The following NOP58 variants were observed in gnomAD, a reference collection of about 807,000 sequenced individuals.
NOP58 encodes the protein nucleolar protein 58.
In NOP58, 44 loss-of-function variants were observed where a neutral mutation model predicts 71.2. The observed-to-expected ratio is 0.62, with a 90% confidence interval of 0.49 to 0.79. NOP58 has a LOEUF of 0.79. NOP58 is among the 30% of genes least tolerant of loss of function. The pLI, the probability that NOP58 is intolerant of heterozygous loss-of-function variation, is 0.00. For missense variants in NOP58, 538 were observed against 620.2 expected, an observed-to-expected ratio of 0.87 and a Z score of 1.41; for synonymous variants, 228 against 200.3, an observed-to-expected ratio of 1.14 and a Z score of -1.17.
At chr2:202,277,613 T>C (rs1470541960) in intron 2 of NOP58, among the ~76,000 whole-genome samples, 1 of 152,184 alleles carries the variant, frequency 6.6e-6, no homozygotes, top group African/African-American at 2.4e-5. Context: ...TCACGTACGT[T>C]TTCTTGAGTC....
chr2:202,302,004 T>TTAA (rs889391269), intron 13 of NOP58, among the ~76,000 whole-genome samples: 4 of 152,086 alleles, frequency 2.6e-5, no homozygotes, highest in Non-Finnish European at 1.5e-5. Context: ...CTCGAATTGT[T>TTAA]TAGTACAGAG....
chr2:202,266,529 T>C (rs1688420160), intron 1 of NOP58, among the ~76,000 whole-genome samples: 1 of 152,044 alleles, frequency 6.6e-6, no homozygotes, highest in South Asian at 2.1e-4. Context: ...TTGGCCAGGC[T>C]GGTCTTGAAC....
intron 9 of NOP58, among the ~76,000 whole-genome samples, chr2:202,295,042 G>A (rs547231730): frequency 1.3e-5 from 2 of 152,222 alleles, no homozygotes; most frequent in African/African-American, 2.4e-5. Context: ...ACTGCACAAC[G>A]GAGAGGGCTA....
intron 1 of NOP58, among the ~76,000 whole-genome samples, chr2:202,270,694 G>A (rs1688499750): frequency 6.6e-6 from 1 of 152,140 alleles, no homozygotes; most frequent in South Asian, 2.1e-4. Flanking sequence ...CGGCTGCAGT[G>A]AGCTGTGATT....
intron 2 of NOP58, chr2:202,276,327 G>A: frequency 3.7e-6 from 1 of 269,294 alleles, no homozygotes; most frequent in Non-Finnish European, 7.7e-6. Context: ...GTGTCAGAGT[G>A]AGACCCTGTC....
At chr2:202,274,214 G>T (rs532387072) in intron 1 of NOP58, among the ~76,000 whole-genome samples, 104 of 151,698 alleles carry the variant, frequency 6.9e-4, no homozygotes, top group African/African-American at 2.1e-3. Context: ...GTAGACAAAA[G>T]TTTTTTTTGT....
At chr2:202,293,553 A>G (rs186163361) in intron 9 of NOP58, among the ~76,000 whole-genome samples, 231 of 152,320 alleles carry the variant, frequency 1.5e-3, no homozygotes, top group Admixed American at 2.4e-3. Flanking sequence ...AGATTATATC[A>G]TCTGCATCAG....
intron 1 of NOP58, among the ~76,000 whole-genome samples, chr2:202,268,822 G>T (rs1214617765): frequency 3.3e-5 from 5 of 151,806 alleles, no homozygotes. Flanking sequence ...TGTTGAGGCT[G>T]GTCTCGAACT....
chr2:202,280,014 A>G (rs968107394), intron 3 of NOP58, among the ~76,000 whole-genome samples: 4 of 152,230 alleles, frequency 2.6e-5, no homozygotes, highest in Admixed American at 2.6e-4. Flanking sequence ...GAATGCTGTC[A>G]TAGAAACATT....
At chr2:202,268,122 A>G (rs1444458446) in intron 1 of NOP58, among the ~76,000 whole-genome samples, 1 of 152,228 alleles carries the variant, frequency 6.6e-6, no homozygotes, top group African/African-American at 2.4e-5. Flanking sequence ...AAGGGCAAAT[A>G]TTAAGATACA....
At position 202,292,916 on chromosome 2, in the gene NOP58, A is replaced by C; in HGVS notation, c.907+13A>C. 2 of 1,613,814 alleles carry C rather than the reference A, an allele frequency of 1.2e-6. No individual in the cohort carries two copies. Among genetic ancestry groups the C allele is most frequent in the South Asian group, 2.2e-5 (2 of 91,048 alleles). ...ATTGCTCATGCAGGTGATGGTTTTA[A>C]TGTAATTTGTAAATATGAGTGTTTG... is the stretch of plus-strand genomic sequence containing the variant. On this transcript the variant is annotated intron_variant, in intron 9 of 14. Coordinates refer to ENST00000264279, the MANE Select transcript of NOP58 (RefSeq NM_015934.5).
chr2:202,293,370 A>C (rs1688936543), intron 9 of NOP58, among the ~76,000 whole-genome samples: 1 of 152,214 alleles, frequency 6.6e-6, no homozygotes, highest in Non-Finnish European at 1.5e-5. Flanking sequence ...TTTGACTTTC[A>C]AAAATATTTT....
chr2:202,290,190 G>A (rs979758224), intron 6 of NOP58, 133 bp from the exon 7 acceptor site: 12 of 635,946 alleles, frequency 1.9e-5, no homozygotes, highest in Admixed American at 3.4e-5. Flanking sequence ...TTCTGACTTC[G>A]TGATATGCCT....
chr2:202,266,013 G>C (rs775736134), intron 1 of NOP58, 27 bp downstream of exon 1: 1 of 1,613,224 alleles, frequency 6.2e-7, no homozygotes, highest in South Asian at 1.1e-5. Flanking sequence ...GCCGTTAAAG[G>C]GGGAAGGCGG....
At chr2:202,298,525 A>G (rs376993876) in intron 12 of NOP58, among the ~76,000 whole-genome samples, 97 of 151,896 alleles carry the variant, frequency 6.4e-4, no homozygotes, top group African/African-American at 2.3e-3. Context: ...GGTGGCGGGC[A>G]CCTGGCTGAG....
intron 4 of NOP58, 107 bp downstream of exon 4, chr2:202,282,579 T>G: frequency 8.6e-7 from 1 of 1,156,824 alleles, no homozygotes; most frequent in Non-Finnish European, 1.2e-6. Flanking sequence ...TCTCAATACA[T>G]TTTTTTCTTT....
At chr2:202,270,784 A>G (rs564349531) in intron 1 of NOP58, among the ~76,000 whole-genome samples, 2 of 152,216 alleles carry the variant, frequency 1.3e-5, no homozygotes, top group East Asian at 3.9e-4. Flanking sequence ...GTCTCAAGCA[A>G]TCAATTAAAA....
intron 11 of NOP58, 134 bp downstream of exon 11, chr2:202,297,647 A>C: frequency 2.1e-6 from 2 of 953,072 alleles, no homozygotes; most frequent in Non-Finnish European, 3.1e-6. Flanking sequence ...TTTTGTGCCT[A>C]CTGTTAACAA....
chr2:202,297,296 A>G, intron 10 of NOP58, 83 bp from the exon 11 acceptor site: 2 of 1,286,542 alleles, frequency 1.6e-6, no homozygotes, highest in South Asian at 1.4e-5. Context: ...TAATAGTTTT[A>G]TAACTCCTGA....
Sources: allele counts gnomAD v4.1 joint callset (sites outside exome capture counted in the v4.1 genomes callset), GRCh38; gene constraint gnomAD v4.1.1; transcripts MANE v1.5; gene names NCBI Gene and HGNC (gene_info 2026-07-23, HGNC 2026-07-21).